The following AFG1L variants were observed in gnomAD, a reference collection of about 807,000 sequenced individuals.
AFG1L encodes AFG1-like ATPase.
In AFG1L, 53 loss-of-function variants were observed where a neutral mutation model predicts 62.2. That is an observed-to-expected ratio of 0.85 (90% CI 0.68 to 1.07). The LOEUF (loss-of-function observed/expected upper bound fraction) is 1.07. Among genes scored for constraint, AFG1L ranks in the 50% least tolerant of loss-of-function variants. The pLI is 0.00. For missense variants in AFG1L, 555 were observed against 590.5 expected (o/e 0.94, Z 0.62); for synonymous variants, 228 against 210.3 (o/e 1.08, Z -0.73).
chr6:108,503,568 T>C (rs1168353452), intron 10 of AFG1L, among the ~76,000 whole-genome samples: 1 of 152,224 alleles, frequency 6.6e-6, no homozygotes, highest in Non-Finnish European at 1.5e-5. Flanking sequence ...CCAGGCTTTG[T>C]TGTTCCATTT....
chr6:108,351,194 T>A (rs1392260051), intron 3 of AFG1L, among the ~76,000 whole-genome samples: 1 of 152,244 alleles, frequency 6.6e-6, no homozygotes, highest in Non-Finnish European at 1.5e-5. Context: ...TACTACTTTA[T>A]ACAAGATGTT....
At chr6:108,445,321 T>A (rs1771722227) in intron 7 of AFG1L, among the ~76,000 whole-genome samples, 2 of 152,210 alleles carry the variant, frequency 1.3e-5, no homozygotes, top group Admixed American at 6.5e-5. Context: ...CAAACTTTTC[T>A]CCATATCAAT....
Position 108,401,039 on chromosome 6 carries a change from GCTAACTGTAACTTCCAC to G in AFG1L, c.749-954_749-938del, listed in dbSNP as rs766934194. The stretch of plus-strand genomic sequence containing the variant: ...GCTGAAGTGCAGTGGTGTGATCTTG[GCTAACTGTAACTTCCAC>G]CTCCCTGGTTCAAGTGATTCTCCTC... On this transcript the variant is annotated intron_variant, in intron 6 of 12. Coordinates refer to ENST00000368977, the MANE Select transcript of AFG1L (RefSeq NM_145315.5). Among the ~76,000 whole-genome samples, 16 of 150,454 alleles carry G rather than the reference GCTAACTGTAACTTCCAC, an allele frequency of 1.1e-4. No individual in the cohort carries two copies. In the East Asian group the frequency reaches 2.3e-3, roughly 22 times the overall value.
intron 1 of AFG1L, among the ~76,000 whole-genome samples, chr6:108,302,559 T>C (rs942906588): frequency 5.9e-5 from 9 of 152,038 alleles, no homozygotes; most frequent in African/African-American, 1.9e-4. Context: ...CCGAGATAAC[T>C]TGGGGCTCCT....
intron 8 of AFG1L, among the ~76,000 whole-genome samples, chr6:108,451,492 G>A (rs1772051865): frequency 6.6e-6 from 1 of 152,042 alleles, no homozygotes; most frequent in Non-Finnish European, 1.5e-5. Flanking sequence ...AGGAATCCTA[G>A]AGTACCTTCG....
At chr6:108,353,724 C>T (rs1202774218) in intron 3 of AFG1L, among the ~76,000 whole-genome samples, 1 of 152,068 alleles carries the variant, frequency 6.6e-6, no homozygotes, top group East Asian at 1.9e-4. Context: ...CTGCATGCAG[C>T]AGAATTTGAA....
chr6:108,438,693 A>T (rs1190322289), intron 7 of AFG1L, among the ~76,000 whole-genome samples: 2 of 152,210 alleles, frequency 1.3e-5, no homozygotes, highest in Non-Finnish European at 2.9e-5. Context: ...TCTAAAGCAC[A>T]TGATAAGCAC....
chr6:108,433,737 C>T (rs899971282), intron 7 of AFG1L, among the ~76,000 whole-genome samples: 2 of 152,080 alleles, frequency 1.3e-5, no homozygotes, highest in East Asian at 1.9e-4. Flanking sequence ...GGATTACAGG[C>T]ACAAGGCACC....
At chr6:108,444,895 C>A (rs1771697774) in intron 7 of AFG1L, among the ~76,000 whole-genome samples, 1 of 152,184 alleles carries the variant, frequency 6.6e-6, no homozygotes, top group Admixed American at 6.5e-5. Context: ...GTTGCATTAG[C>A]CTCTAACAAG....
At chr6:108,433,050 A>T (rs1235064149) in intron 7 of AFG1L, among the ~76,000 whole-genome samples, 1 of 152,224 alleles carries the variant, frequency 6.6e-6, no homozygotes, top group Non-Finnish European at 1.5e-5. Flanking sequence ...AAAAGTACTC[A>T]GTCTCCTCTC....
chr6:108,387,073 T>C (rs1780795696), intron 6 of AFG1L, among the ~76,000 whole-genome samples: 1 of 152,120 alleles, frequency 6.6e-6, no homozygotes, highest in Non-Finnish European at 1.5e-5. Context: ...ATTTAAAAAA[T>C]ACCAAGAGAT....
intron 10 of AFG1L, among the ~76,000 whole-genome samples, chr6:108,493,947 G>A (rs1025202729): frequency 6.6e-6 from 1 of 151,982 alleles, no homozygotes; most frequent in Non-Finnish European, 1.5e-5. Context: ...AGCGATTCTT[G>A]TACGTCAGCC....
chr6:108,462,761 T>TA (rs1357552141), intron 8 of AFG1L, among the ~76,000 whole-genome samples: 1 of 152,082 alleles, frequency 6.6e-6, no homozygotes, highest in African/African-American at 2.4e-5. Flanking sequence ...TCTAGTAGAG[T>TA]GTAAATAATA....
intron 6 of AFG1L, among the ~76,000 whole-genome samples, chr6:108,375,472 G>T (rs572074432): frequency 4.6e-5 from 7 of 152,024 alleles, no homozygotes; most frequent in African/African-American, 1.7e-4. Context: ...GTCATAGATG[G>T]CTCTTATTAT....
In AFG1L at chr6:108,458,541, C is replaced by A. The variant is rs115190257; in HGVS notation, c.890+11245C>A. 8.7e-3 allele frequency among the ~76,000 whole-genome samples: 1,327 copies of A among 152,182 alleles called. 13 individuals carry two copies. Among genetic ancestry groups the A allele is most frequent in the African/African-American group, 0.029 (1,221 of 41,526 alleles). On this transcript the variant is annotated intron_variant, in intron 8 of 12. Coordinates refer to ENST00000368977, the MANE Select transcript of AFG1L (RefSeq NM_145315.5). Reference sequence around the variant, plus strand: ...TGTTGCCCAGGCTGGTCTTGAACTCCTGGACTCAAGAGATTCTCCCCCCTT... The same window carrying A: ...TGTTGCCCAGGCTGGTCTTGAACTCATGGACTCAAGAGATTCTCCCCCCTT...
At chr6:108,370,264 T>C (rs1409284629) in intron 6 of AFG1L, among the ~76,000 whole-genome samples, 1 of 152,158 alleles carries the variant, frequency 6.6e-6, no homozygotes. Context: ...GGAAATATCC[T>C]TCTGGCTGTA....
At chr6:108,386,470 AAAG>A (rs1316423280) in intron 6 of AFG1L, among the ~76,000 whole-genome samples, 1 of 152,060 alleles carries the variant, frequency 6.6e-6, no homozygotes, top group East Asian at 1.9e-4. Context: ...TCAAAAAAAA[AAAG>A]AAAAGAAAAG....
chr6:108,378,629 G>A lies in AFG1L; in HGVS notation c.748+12297G>A, dbSNP rs777487255. On this transcript the variant is annotated intron_variant, in intron 6 of 12. Transcript: ENST00000368977. ...CCACCACACCCGGCCTATGCTTTGA[G>A]TTCCTTATCTGTTATTTCTGAGTTT... Among the ~76,000 whole-genome samples the A allele has an allele frequency of 1.1e-3, 170 of 151,990 alleles. 6 individuals carry two copies. Among genetic ancestry groups the A allele is most frequent in the Non-Finnish European group, 2.4e-4 (16 of 67,924 alleles).
rs777317861 is a variant in AFG1L, at chr6:108,295,108, C to T, written c.29C>T (p.Thr10Ile). The change falls in exon 1 of 13, where the codon ACC (threonine) becomes ATC (isoleucine). Residue 10 changes from threonine (T) to isoleucine (I), a missense_variant. Transcript: ENST00000368977. MAASWSLLV[T>I]LRPLAQSPLR... Reference sequence around the variant, plus strand: ...GCGGCCTCCTGGTCGCTCTTGGTTACCCTGCGCCCCTTAGCACAGAGCCCG... The same window carrying T: ...GCGGCCTCCTGGTCGCTCTTGGTTATCCTGCGCCCCTTAGCACAGAGCCCG... The T allele has an allele frequency of 2.5e-6, 4 of 1,611,472 alleles. No individual in the cohort carries two copies. The highest frequency in any genetic ancestry group is 3.3e-5 in the Admixed American group (2 of 60,026).
Sources: gnomAD v4.1 joint callset for allele counts (sites outside exome capture counted in the v4.1 genomes callset) on GRCh38, gnomAD v4.1.1 for gene constraint, MANE v1.5 for transcripts, NCBI Gene and HGNC (gene_info 2026-07-23, HGNC 2026-07-21) for gene names.